The following IL31RA variants were observed in gnomAD, a reference collection of about 807,000 sequenced individuals.
IL31RA encodes interleukin 31 receptor A, also known as interleukin-31 receptor subunit alpha.
IL31RA carries 66 observed loss-of-function variants against 83.7 expected under a neutral mutation model. The observed-to-expected ratio is 0.79, with a 90% CI of 0.65 to 0.97. The LOEUF is 0.97. Ranked by LOEUF, IL31RA falls within the 50% of genes least tolerant of loss-of-function variation. The pLI, the probability that IL31RA is intolerant of heterozygous loss-of-function variation, is 0.00. For synonymous variants in IL31RA, 325 were observed against 329.0 expected (o/e 0.99, Z 0.13); for missense variants, 798 against 919.4 (o/e 0.87, Z 1.71).
intron 2 of IL31RA, among the ~76,000 whole-genome samples, chr5:55,867,099 T>G (rs55636110): frequency 0.012 from 330 of 28,114 alleles, no homozygotes; most frequent in African/African-American, 0.024. Context: ...GTGTGTGTGT[T>G]TGTGTGTGTG....
At chr5:55,894,052 T>A (rs116998878) in intron 6 of IL31RA, among the ~76,000 whole-genome samples, 1 of 152,294 alleles carries the variant, frequency 6.6e-6, no homozygotes, top group East Asian at 1.9e-4. Flanking sequence ...TAATAATCAG[T>A]TTAGCTTTGC....
chr5:55,905,822 G>A (rs1356168895), intron 8 of IL31RA, among the ~76,000 whole-genome samples: 1 of 152,206 alleles, frequency 6.6e-6, no homozygotes, highest in Non-Finnish European at 1.5e-5. Flanking sequence ...CCTGTGGAAG[G>A]TAAGTCTTTT....
At chr5:55,898,109 T>C (rs796602226) in intron 7 of IL31RA, among the ~76,000 whole-genome samples, 34 of 152,366 alleles carry the variant, frequency 2.2e-4, no homozygotes, top group African/African-American at 7.9e-4. Context: ...GATGCTGTGC[T>C]GTCTTTCTCA....
In IL31RA at chr5:55,917,918, A is replaced by T. The variant is rs544352353; in HGVS notation, c.*798A>T. ...GGCACCTGACATTGCAGTGGTTGTC[A>T]TATAGGGACGCTGGCCCCTCACACT... On this transcript the variant is annotated 3_prime_UTR_variant, in exon 15 of 15. Transcript: ENST00000652347. Among the ~76,000 whole-genome samples the T allele has an allele frequency of 1.3e-5, 2 of 152,166 alleles. No individual in the cohort carries two copies. The highest frequency in any genetic ancestry group is 2.9e-5 in the Non-Finnish European group (2 of 68,024).
In IL31RA at chr5:55,881,716, A is replaced by ATTTTT. The variant is rs34217814; in HGVS notation, c.455-1303_455-1299dup. ...TGAGCCCACTCGCCCAGTTCCTGAG[A>ATTTTT]TTTTTTTTTTTTTTTTTTTTTTTTT... is the stretch of plus-strand genomic sequence containing the variant. On this transcript the variant is annotated intron_variant, in intron 4 of 14. Coordinates refer to ENST00000652347, the MANE Select transcript of IL31RA (RefSeq NM_139017.7). Among the ~76,000 whole-genome samples, 126 of 59,650 alleles carry ATTTTT rather than the reference A, an allele frequency of 2.1e-3. 35 individuals are homozygous for ATTTTT. The highest frequency in any genetic ancestry group is 6.3e-3 in the African/African-American group (86 of 13,666). The allele number at this position is 59,650 out of a possible 152,430, so 39.1% of individuals were successfully genotyped here.
chr5:55,910,984 C>T (rs577233395), intron 12 of IL31RA, among the ~76,000 whole-genome samples: 9 of 152,174 alleles, frequency 5.9e-5, no homozygotes, highest in Non-Finnish European at 1.2e-4. Context: ...AACCAGCTCC[C>T]ATCTCAAGGC....
intron 4 of IL31RA, among the ~76,000 whole-genome samples, chr5:55,879,734 CT>C (rs5868002): frequency 0.48 from 69,097 of 142,566 alleles, 16,285 homozygotes; most frequent in South Asian, 0.59. Flanking sequence ...CCAGTCCAGT[CT>C]TTTTTTTTTT....
At chr5:55,858,835 A>T (rs752968223) in intron 1 of IL31RA, among the ~76,000 whole-genome samples, 4 of 152,228 alleles carry the variant, frequency 2.6e-5, no homozygotes, top group Non-Finnish European at 4.4e-5. Context: ...ACTGCCTTAG[A>T]TACCAAGGCT....
rs1746150031 is a variant in IL31RA at position 55,867,169 on chromosome 5, A to AGG, written c.155-1622_155-1621insGG. On this transcript the variant is annotated intron_variant, in intron 2 of 14. Coordinates refer to ENST00000652347, the MANE Select transcript of IL31RA (RefSeq NM_139017.7). The stretch of plus-strand genomic sequence containing the variant: ...TGTGCATGTGTGTTTGTGTGTGTGC[A>AGG]TGTGTGTGTGCATGTGTGTTTGTGT... Among the ~76,000 whole-genome samples, 3 of 106,218 alleles carry AGG rather than the reference A, an allele frequency of 2.8e-5. No homozygotes were observed. In the Admixed American group the frequency reaches 2.9e-4, roughly 10 times the overall value. 69.7% of individuals were successfully genotyped at this position (106,218 alleles called of 152,430 possible).
chr5:55,895,865 T>C (rs1561106436), intron 6 of IL31RA, among the ~76,000 whole-genome samples: 3 of 152,234 alleles, frequency 2.0e-5, no homozygotes, highest in Non-Finnish European at 1.5e-5. Flanking sequence ...CTAGTGAAGC[T>C]TATTGTCTTA....
Position 55,922,590 on chromosome 5 carries a change from G to A in IL31RA, c.*5470G>A, listed in dbSNP as rs940093301. 7 of 612,854 alleles carry A rather than the reference G, an allele frequency of 1.1e-5. No homozygotes were observed. In the African/African-American group the frequency reaches 1.3e-4, roughly 11 times the overall value. 38.0% of individuals were successfully genotyped at this position (612,854 alleles called of 1,614,324 possible). ...TTCCACACATGGACCACCTACGGAT[G>A]CAATCTGTAATGCATGTGCATGAGA... On this transcript the variant is annotated 3_prime_UTR_variant, in exon 15 of 15. Transcript: ENST00000652347.
the IL31RA span, among the ~76,000 whole-genome samples, chr5:55,841,965 A>AGAGATG: frequency 1.3e-5 from 2 of 151,878 alleles, no homozygotes; most frequent in African/African-American, 4.8e-5. Flanking sequence ...AATTTTTTTA[A>AGAGATG]GAGATGGTCT....
At chr5:55,867,156 T>TGCA (rs1358611010) in intron 2 of IL31RA, among the ~76,000 whole-genome samples, 27 of 128,032 alleles carry the variant, frequency 2.1e-4, no homozygotes, top group East Asian at 2.2e-4. Context: ...TGCATGTGTG[T>TGCA]TTGTGTGTGT....
At chr5:55,868,305 A>T (rs951375294) in intron 2 of IL31RA, among the ~76,000 whole-genome samples, 47 of 152,316 alleles carry the variant, frequency 3.1e-4, no homozygotes, top group African/African-American at 1.1e-3. Context: ...AAGATTTCTA[A>T]GATATGAAGA....
chr5:55,853,917 T>C (rs1580641570), intron 1 of IL31RA, among the ~76,000 whole-genome samples: 1 of 152,088 alleles, frequency 6.6e-6, no homozygotes, highest in Admixed American at 6.5e-5. Context: ...TGAGAGAGAG[T>C]AAATCACTAA....
At chr5:55,881,615 C>T (rs1469762015) in intron 4 of IL31RA, among the ~76,000 whole-genome samples, 3 of 151,874 alleles carry the variant, frequency 2.0e-5, no homozygotes. Flanking sequence ...AGGCGTTCTT[C>T]CCTTTTCCAT....
At chr5:55,841,951 A>C in the IL31RA span, among the ~76,000 whole-genome samples, 211 of 152,142 alleles carry the variant, frequency 1.4e-3, 1 homozygote, top group Middle Eastern at 0.017. Context: ...AAAAAAAAAA[A>C]AAAAATTTTT....
intron 8 of IL31RA, 109 bp from the exon 9 acceptor site, chr5:55,905,997 C>G: frequency 9.0e-7 from 1 of 1,112,814 alleles, no homozygotes. Flanking sequence ...AGTGGAGATC[C>G]TGAACTTTGG....
chr5:55,891,761 A>ATTGTTT (rs1748010700), intron 6 of IL31RA, among the ~76,000 whole-genome samples: 1 of 59,994 alleles, frequency 1.7e-5, no homozygotes, highest in Non-Finnish European at 2.9e-5. Context: ...TTTGGACAAG[A>ATTGTTT]TTTTTTTTTT....
Sources: allele counts gnomAD v4.1 joint callset (sites outside exome capture counted in the v4.1 genomes callset), GRCh38; gene constraint gnomAD v4.1.1; transcripts MANE v1.5; gene names NCBI Gene and HGNC (gene_info 2026-07-23, HGNC 2026-07-21).